TMEM131: variants seen among roughly 807,000 people sequenced by gnomAD.
The protein encoded by TMEM131 is transmembrane protein 131.
Under a neutral mutation model 211.6 loss-of-function variants are expected in TMEM131, and 66 were observed. That is an observed-to-expected ratio of 0.31 (90% confidence interval 0.26 to 0.38). The LOEUF (loss-of-function observed/expected upper bound fraction) is 0.38, where lower values mean the gene tolerates loss of function less well. Among genes scored for constraint, TMEM131 ranks in the 10% least tolerant of loss-of-function variants. TMEM131 has a pLI of 1.00. For synonymous variants in TMEM131, 844 were observed against 841.3 expected, an observed-to-expected ratio of 1.00 and a Z score of -0.06; for missense variants, 2,036 against 2,299.3, an observed-to-expected ratio of 0.89 and a Z score of 2.34.
intron 3 of TMEM131, among the ~76,000 whole-genome samples, chr2:97,895,856 T>A (rs1675589390): frequency 1.3e-5 from 2 of 152,182 alleles, no homozygotes; most frequent in South Asian, 4.1e-4. Flanking sequence ...TTTTTGTGTC[T>A]CTATCTCCTT....
intron 2 of TMEM131, among the ~76,000 whole-genome samples, chr2:97,924,471 G>A (rs986924606): frequency 1.3e-5 from 2 of 152,130 alleles, no homozygotes; most frequent in African/African-American, 4.8e-5. Flanking sequence ...AGGACATGGG[G>A]GTCCACTGGC....
chr2:97,797,254 A>G, intron 26 of TMEM131, 111 bp downstream of exon 26: 1 of 1,112,868 alleles, frequency 9.0e-7, no homozygotes, highest in East Asian at 2.4e-5. Context: ...TGTTTTGGAC[A>G]AAGTGAATTC....
At chr2:97,950,634 A>AT (rs536186937) in intron 1 of TMEM131, among the ~76,000 whole-genome samples, 54 of 148,316 alleles carry the variant, frequency 3.6e-4, no homozygotes, top group Middle Eastern at 3.4e-3. Flanking sequence ...CTTAGAAATA[A>AT]TTTTTTTTTT....
chr2:97,960,976 C>T (rs1216281417), intron 1 of TMEM131, among the ~76,000 whole-genome samples: 1 of 151,950 alleles, frequency 6.6e-6, no homozygotes, highest in African/African-American at 2.4e-5. Flanking sequence ...ATAAAATTCA[C>T]CAATTCATGA....
In TMEM131 at chr2:97,927,469, C is replaced by T. The variant is rs778490631; in HGVS notation, c.206G>A (p.Ser69Asn). 4 of 1,582,738 alleles carry T rather than the reference C, an allele frequency of 2.5e-6. No homozygotes were observed. In the African/African-American group the frequency reaches 4.1e-5, roughly 16 times the overall value. ...ATCAAAACGCAGTACTTCTATTATG[C>T]TCTCTGACTGAACGAATGCTGTGAA... Reference protein sequence around the residue: ...AEKEAFVQSESIIEVLRFDDG... With the variant: ...AEKEAFVQSENIIEVLRFDDG... Residue 69 changes from serine to asparagine, a missense_variant, in exon 2 of 41, where the codon AGC becomes AAC. This residue lies in a region of TMEM131 where 136 missense variants were observed against 115.4 expected (regional missense o/e 1.18). Transcript: ENST00000186436.
At chr2:97,759,112 A>G in intron 39 of TMEM131, 59 bp from the exon 40 acceptor site, 1 of 1,601,294 alleles carries the variant, frequency 6.2e-7, no homozygotes, top group South Asian at 1.1e-5. Context: ...TCACTATAGC[A>G]TATGGGGCTT....
chr2:97,899,612 C>A lies in TMEM131; in HGVS notation c.290+9046G>T, dbSNP rs1282459372. On this transcript the variant is annotated intron_variant, in intron 3 of 40. Coordinates refer to ENST00000186436, the MANE Select transcript of TMEM131 (RefSeq NM_015348.2). Reference sequence around the variant, plus strand: ...TTGGAAAGGATGTGGGAAACAGGCACTTTTTTTCACCAATGAGGGAATGCA... The same window carrying A: ...TTGGAAAGGATGTGGGAAACAGGCAATTTTTTTCACCAATGAGGGAATGCA... Among the ~76,000 whole-genome samples, 5 of 152,168 alleles carry A rather than the reference C, an allele frequency of 3.3e-5. No homozygotes were observed. In the East Asian group the frequency reaches 7.7e-4, roughly 23 times the overall value.
chr2:97,887,806 GTC>G (rs1675223186), intron 4 of TMEM131: 1 of 380,692 alleles, frequency 2.6e-6, no homozygotes, highest in African/African-American at 2.1e-5. Context: ...TTTCCAAAGA[GTC>G]TCTGAACCAG....
At chr2:97,816,973 G>A (rs1573405169) in intron 12 of TMEM131, among the ~76,000 whole-genome samples, 1 of 152,290 alleles carries the variant, frequency 6.6e-6, no homozygotes, top group East Asian at 1.9e-4. Context: ...ATGGCAGTGG[G>A]AGAGGTGAAT....
intron 2 of TMEM131, among the ~76,000 whole-genome samples, chr2:97,919,877 G>T (rs1676670366): frequency 6.6e-6 from 1 of 152,166 alleles, no homozygotes; most frequent in Non-Finnish European, 1.5e-5. Context: ...GCCTGGCTTT[G>T]ATTTCCAATA....
intron 5 of TMEM131, among the ~76,000 whole-genome samples, chr2:97,853,322 CA>C (rs1673700721): frequency 6.6e-6 from 1 of 151,420 alleles, no homozygotes; most frequent in African/African-American, 2.4e-5. Flanking sequence ...CAGCTGGGCA[CA>C]GTGGCTCAAG....
Position 97,759,754 on chromosome 2 carries a change from A to G in TMEM131, c.5109-5T>C. 6.2e-7 allele frequency: 1 copy of G among 1,609,396 alleles called. No homozygotes were observed. Among genetic ancestry groups the G allele is most frequent in the South Asian group, 1.1e-5 (1 of 90,186 alleles). ...ACGGGACTCCACAAACCCGAGCTAAATGTTACAAGAGGAAAACGCAACACA... is the reference window on the plus strand; with the variant it reads ...ACGGGACTCCACAAACCCGAGCTAAGTGTTACAAGAGGAAAACGCAACACA... On this transcript the variant is annotated splice_polypyrimidine_tract_variant and splice_region_variant and intron_variant, in intron 38 of 40. Transcript: ENST00000186436.
At chr2:97,979,376 TGA>T (rs1231091930) in intron 1 of TMEM131, among the ~76,000 whole-genome samples, 1 of 152,202 alleles carries the variant, frequency 6.6e-6, no homozygotes, top group Non-Finnish European at 1.5e-5. Flanking sequence ...TCTCTAGCTA[TGA>T]GAGACCAAGA....
At chr2:97,775,026 G>C (rs928313141) in intron 32 of TMEM131, among the ~76,000 whole-genome samples, 2 of 152,104 alleles carry the variant, frequency 1.3e-5, no homozygotes, top group African/African-American at 4.8e-5. Flanking sequence ...TTGGTCAATA[G>C]ACTAAAACTA....
At chr2:97,993,474 G>A (rs940518574) in intron 1 of TMEM131, among the ~76,000 whole-genome samples, 6 of 152,206 alleles carry the variant, frequency 3.9e-5, no homozygotes, top group African/African-American at 1.4e-4. Context: ...CAGTTTTAAA[G>A]GAGAAGCCAT....
intron 19 of TMEM131, 26 bp from the exon 20 acceptor site, chr2:97,805,729 C>T: frequency 6.4e-7 from 1 of 1,568,246 alleles, no homozygotes; most frequent in South Asian, 1.2e-5. Flanking sequence ...AAAGAACAAA[C>T]TCATTTGTAT....
rs1172542209 is a variant in TMEM131 at position 97,782,035 on chromosome 2, CAG to C, written c.4145-6019_4145-6018del. On this transcript the variant is annotated intron_variant, in intron 31 of 40. Transcript: ENST00000186436. ...CCCAGCATGCTGGCGATGGTGCTAT[CAG>C]GGAGGGCTAAGCAGGGAGCTGAGCC... Among the ~76,000 whole-genome samples the C allele has an allele frequency of 2.0e-5, 3 of 152,252 alleles. No individual in the cohort carries two copies. In the East Asian group the frequency reaches 5.8e-4, roughly 29 times the overall value.
At chr2:97,907,996 T>A (rs76635947) in intron 3 of TMEM131, among the ~76,000 whole-genome samples, 6,255 of 152,274 alleles carry the variant, frequency 0.041, 226 homozygotes, top group African/African-American at 0.095. Flanking sequence ...CTGGAGGGAC[T>A]GTTTTATCCA....
At chr2:97,796,109 C>A (rs964453637) in intron 28 of TMEM131, 109 bp downstream of exon 28, 43 of 573,254 alleles carry the variant, frequency 7.5e-5, no homozygotes, top group South Asian at 2.6e-4. Context: ...GAAAAAAAAA[C>A]AAATGAATGC....
Sources: allele counts gnomAD v4.1 joint callset (sites outside exome capture counted in the v4.1 genomes callset), GRCh38; gene constraint gnomAD v4.1.1; regional missense constraint gnomAD v4.1.1; transcripts MANE v1.5; gene names NCBI Gene and HGNC (gene_info 2026-07-23, HGNC 2026-07-21).